The following CCDC150 variants were observed in gnomAD, a reference collection of about 807,000 sequenced individuals.
The protein encoded by CCDC150 is coiled-coil domain-containing protein 150.
CCDC150 carries 151 observed loss-of-function variants against 156.5 expected under a neutral mutation model. The ratio of observed to expected loss-of-function variants is 0.97; its 90% CI spans 0.85 to 1.10. The LOEUF (loss-of-function observed/expected upper bound fraction) is 1.10. CCDC150 is among the 50% of genes least tolerant of loss of function. CCDC150 has a pLI of 0.00. For synonymous variants in CCDC150, 452 were observed against 429.4 expected (o/e 1.05, Z -0.65); for missense variants, 1,312 against 1,268.1 (o/e 1.03, Z -0.53).
intron 1 of CCDC150, among the ~76,000 whole-genome samples, chr2:196,644,229 GCTT>G (rs1692402739): frequency 6.6e-6 from 1 of 152,140 alleles, no homozygotes; most frequent in African/African-American, 2.4e-5. Context: ...GAGCTTTTCT[GCTT>G]CTTTTGGAGA....
intron 10 of CCDC150, 33 bp from the exon 11 acceptor site, chr2:196,676,110 G>T (rs774730876): frequency 6.2e-7 from 1 of 1,610,630 alleles, no homozygotes; most frequent in Non-Finnish European, 8.5e-7. Context: ...ACTTTGTGGA[G>T]CTTCAACTTC....
rs1172213657 is a variant in CCDC150 at position 196,732,431 on chromosome 2, T to C, written c.3190-15T>C. Reference sequence around the variant, plus strand: ...CTCTGAACAGTCAGTGTTAGGTGTGTTTTCTTTCCAACAGGACCAAGATGT... The same window carrying C: ...CTCTGAACAGTCAGTGTTAGGTGTGCTTTCTTTCCAACAGGACCAAGATGT... On this transcript the variant is annotated splice_polypyrimidine_tract_variant and intron_variant, in intron 27 of 27. Transcript: ENST00000389175. The C allele has an allele frequency of 6.3e-7, 1 of 1,591,650 alleles. No homozygotes were observed. The highest frequency in any genetic ancestry group is 1.3e-5 in the African/African-American group (1 of 74,546).
intron 5 of CCDC150, among the ~76,000 whole-genome samples, chr2:196,659,893 A>C (rs1693456737): frequency 6.6e-6 from 1 of 152,156 alleles, no homozygotes; most frequent in South Asian, 2.1e-4. Context: ...GGGTTTGACA[A>C]ATGCATAATG....
At chr2:196,732,278 T>C (rs1284972528) in intron 27 of CCDC150, 126 bp downstream of exon 27, 2 of 1,226,478 alleles carry the variant, frequency 1.6e-6, no homozygotes, top group Non-Finnish European at 2.3e-6. Context: ...AGACTAATGC[T>C]AGGAAACCAA....
At position 196,665,582 on chromosome 2, in the gene CCDC150, G is replaced by T; in HGVS notation, c.661G>T (p.Ala221Ser). 1.2e-6 allele frequency: 2 copies of T among 1,600,268 alleles called. No homozygotes were observed. The highest frequency in any genetic ancestry group is 2.3e-5 in the South Asian group (2 of 87,846). The stretch of plus-strand genomic sequence containing the variant: ...TGCTTTGTAGCTAAGGAGACAACTG[G>T]CTCAGGAGAAGTACCTTAGGGAATC... Reference protein sequence around the residue: ...LKIQELRRQLAQEKYLRESLE... With the variant: ...LKIQELRRQLSQEKYLRESLE... The change falls in exon 6 of 28, where the codon GCT becomes TCT. Residue 221 changes from alanine (A) to serine (S), a missense_variant. Coordinates refer to ENST00000389175, the MANE Select transcript of CCDC150 (RefSeq NM_001080539.2).
intron 2 of CCDC150, among the ~76,000 whole-genome samples, chr2:196,647,725 C>G (rs1006321599): frequency 2.0e-5 from 3 of 151,974 alleles, no homozygotes; most frequent in African/African-American, 7.3e-5. Flanking sequence ...TTAACATATC[C>G]GTCACCTCAC....
chr2:196,687,704 T>C (rs925440992), intron 13 of CCDC150, among the ~76,000 whole-genome samples: 8 of 152,218 alleles, frequency 5.3e-5, no homozygotes, highest in Non-Finnish European at 8.8e-5. Context: ...ATTACCTAGG[T>C]TGTCTTCCAG....
intron 13 of CCDC150, among the ~76,000 whole-genome samples, chr2:196,693,029 A>G (rs977145207): frequency 2.0e-5 from 3 of 152,150 alleles, no homozygotes; most frequent in Admixed American, 6.5e-5. Flanking sequence ...TTAAGATATA[A>G]TTCTTGTTGA....
At chr2:196,673,021 T>A (rs1477223947) in intron 9 of CCDC150, among the ~76,000 whole-genome samples, 1 of 152,196 alleles carries the variant, frequency 6.6e-6, no homozygotes, top group African/African-American at 2.4e-5. Flanking sequence ...TGGTACAATT[T>A]GATTGTCTCA....
At chr2:196,710,626 C>T (rs1393895333) in intron 15 of CCDC150, among the ~76,000 whole-genome samples, 1 of 152,104 alleles carries the variant, frequency 6.6e-6, no homozygotes, top group Non-Finnish European at 1.5e-5. Flanking sequence ...CCTATTTGGT[C>T]ATCTTGGAAT....
intron 13 of CCDC150, among the ~76,000 whole-genome samples, chr2:196,692,961 A>G (rs1348095268): frequency 2.6e-5 from 4 of 152,166 alleles, no homozygotes; most frequent in African/African-American, 9.7e-5. Flanking sequence ...GTCTCTTTGA[A>G]GGTCTCTAAG....
intron 13 of CCDC150, chr2:196,686,248 T>A: frequency 3.8e-6 from 1 of 265,306 alleles, no homozygotes; most frequent in South Asian, 5.1e-5. Flanking sequence ...GAATTTACTT[T>A]ATGTCAGGCT....
intron 2 of CCDC150, among the ~76,000 whole-genome samples, chr2:196,653,944 C>A (rs894316470): frequency 2.6e-5 from 4 of 152,128 alleles, no homozygotes; most frequent in Non-Finnish European, 5.9e-5. Flanking sequence ...AGGAAGCTTA[C>A]AATCCTGGTG....
At chr2:196,678,483 C>T (rs1694635795) in intron 13 of CCDC150, among the ~76,000 whole-genome samples, 1 of 152,190 alleles carries the variant, frequency 6.6e-6, no homozygotes, top group Non-Finnish European at 1.5e-5. Context: ...CCCTAAAAAT[C>T]CTCAAATGAG....
intron 14 of CCDC150, among the ~76,000 whole-genome samples, chr2:196,700,410 A>G (rs2125663517): frequency 6.6e-6 from 1 of 152,326 alleles, no homozygotes; most frequent in South Asian, 2.1e-4. Context: ...ATGTTCAATC[A>G]CTTAATGGTG....
In CCDC150 at chr2:196,712,172, G is replaced by T; in HGVS notation, c.1723G>T (p.Val575Leu). The change falls in exon 16 of 28, where the codon GTA becomes TTA. Residue 575 changes from valine to leucine, a missense_variant. By Grantham distance (32) the Val-to-Leu change is conservative (BLOSUM62 1). Transcript: ENST00000389175. ...QIKVKQLEEQ[V>L]QSFTDTSLQN... ...AAAAGTTAAACAGCTAGAAGAACAA[G>T]TACAGTCTTTTACTGACACCAGCTT... 1 of 1,577,756 alleles carries T rather than the reference G, an allele frequency of 6.3e-7. No individual in the cohort carries two copies. Among genetic ancestry groups the T allele is most frequent in the Non-Finnish European group, 8.6e-7 (1 of 1,159,106 alleles).
chr2:196,677,499 C>T (rs1694584492), intron 13 of CCDC150, 138 bp downstream of exon 13: 1 of 646,006 alleles, frequency 1.5e-6, no homozygotes, highest in Non-Finnish European at 2.8e-6. Flanking sequence ...CTGGATGCCA[C>T]TCAGAGCACA....
chr2:196,681,922 T>C (rs1694849663), intron 13 of CCDC150, among the ~76,000 whole-genome samples: 1 of 152,194 alleles, frequency 6.6e-6, no homozygotes, highest in Non-Finnish European at 1.5e-5. Flanking sequence ...TATTTTTACA[T>C]TGATAATGTC....
chr2:196,699,979 A>G (rs976813645), intron 14 of CCDC150, among the ~76,000 whole-genome samples: 7 of 152,374 alleles, frequency 4.6e-5, no homozygotes, highest in African/African-American at 1.7e-4. Context: ...ACTAAAGAAT[A>G]GCTGTAATCA....
Sources: gnomAD v4.1 joint callset for allele counts (sites outside exome capture counted in the v4.1 genomes callset) on GRCh38, gnomAD v4.1.1 for gene constraint, MANE v1.5 for transcripts, NCBI Gene and HGNC (gene_info 2026-07-23, HGNC 2026-07-21) for gene names.